The following OTULIN variants were observed in gnomAD, a reference collection of about 807,000 sequenced individuals.
The protein encoded by OTULIN is OTU deubiquitinase with linear linkage specificity.
OTULIN carries 15 observed loss-of-function variants against 39.6 expected under a neutral mutation model. That is an observed-to-expected ratio of 0.38 (90% CI 0.25 to 0.58). OTULIN has a LOEUF of 0.58. Ranked by LOEUF, OTULIN falls within the 20% of genes least tolerant of loss-of-function variation. OTULIN has a pLI of 0.66. For synonymous variants in OTULIN, 156 were observed against 170.3 expected (o/e 0.92, Z 0.65); for missense variants, 319 against 445.9 (o/e 0.72, Z 2.56).
rs574094923 is a variant in OTULIN, at chr5:14,665,994, A to G, written c.152+1017A>G. Among the ~76,000 whole-genome samples the G allele has an allele frequency of 7.2e-5, 11 of 152,368 alleles. No homozygotes were observed. The South Asian group carries it at 2.3e-3, about 32-fold the overall frequency. On this transcript the variant is annotated intron_variant, in intron 1 of 6. Transcript: ENST00000284274. ...ATGAGATTGGAGGGGAGAAATATCC[A>G]AATCATATCAGAGACTTAACCTCAG...
chr5:14,669,365 CAAAA>C (rs150754956), intron 1 of OTULIN, among the ~76,000 whole-genome samples: 23,692 of 151,674 alleles, frequency 0.16, 2,936 homozygotes, highest in African/African-American at 0.35. Context: ...AACTCCGTCT[CAAAA>C]AAAGAAAATA....
downstream of OTULIN, among the ~76,000 whole-genome samples, chr5:14,700,603 C>T (rs373101306): frequency 9.4e-5 from 14 of 149,474 alleles, no homozygotes; most frequent in African/African-American, 3.0e-4. Context: ...GCTCACCCTC[C>T]GCATCTGCAC....
rs1011928354 is a variant in OTULIN, at chr5:14,690,384, G to C, written c.864+76G>C. On this transcript the variant is annotated intron_variant, in intron 6 of 6. Coordinates refer to ENST00000284274, the MANE Select transcript of OTULIN (RefSeq NM_138348.6). This position sits in a 1 kb window ranked among gnomAD's most constrained non-coding sequence, Gnocchi z 4.5. ...GATCAAACTTGATGTCACAGTTTTT[G>C]TAGGTCAGAAATTCAGGGACAGCTT... The C allele has an allele frequency of 3.9e-6, 6 of 1,533,828 alleles. No homozygotes were observed. Among genetic ancestry groups the C allele is most frequent in the Middle Eastern group, 3.5e-4 (2 of 5,660 alleles).
chr5:14,705,491 T>G, the OTULIN span: 2 of 152,216 alleles, frequency 1.3e-5, no homozygotes, highest in African/African-American at 2.4e-5. Flanking sequence ...GTGAGTGATA[T>G]GGAAGCCTCC....
intron 4 of OTULIN, among the ~76,000 whole-genome samples, chr5:14,684,113 G>T (rs1736326440): frequency 6.6e-6 from 1 of 152,164 alleles, no homozygotes; most frequent in Non-Finnish European, 1.5e-5. Flanking sequence ...TTTTCTGGGA[G>T]CATAATTTAA....
chr5:14,674,624 G>A (rs1246176787), intron 2 of OTULIN, among the ~76,000 whole-genome samples: 1 of 152,090 alleles, frequency 6.6e-6, no homozygotes, highest in Non-Finnish European at 1.5e-5. Context: ...GCGTGGTGGT[G>A]TACGTTTGTG....
chr5:14,673,767 A>G, intron 2 of OTULIN, 49 bp downstream of exon 2: 1 of 1,505,670 alleles, frequency 6.6e-7, no homozygotes, highest in Non-Finnish European at 9.2e-7. Flanking sequence ...TTTATAGCAG[A>G]AAATGCAGTT....
intron 4 of OTULIN, among the ~76,000 whole-genome samples, chr5:14,686,663 G>A (rs145756430): frequency 2.6e-5 from 4 of 152,222 alleles, no homozygotes; most frequent in South Asian, 2.1e-4. Flanking sequence ...TGACACACCT[G>A]TGCCCAGCCT....
At chr5:14,703,669 C>T (rs1266615827), downstream of OTULIN, among the ~76,000 whole-genome samples, 1 of 152,140 alleles carries the variant, frequency 6.6e-6, no homozygotes, top group African/African-American at 2.4e-5. Context: ...CTGGGGCCAG[C>T]GCAGCTCTGT....
At chr5:14,714,999 A>G in the OTULIN span, among the ~76,000 whole-genome samples, 1 of 152,226 alleles carries the variant, frequency 6.6e-6, no homozygotes, top group Non-Finnish European at 1.5e-5. Context: ...CAACAAGTAC[A>G]GATGCCATCC....
the OTULIN span, chr5:14,711,213 C>G: frequency 6.2e-7 from 1 of 1,614,068 alleles, no homozygotes; most frequent in Non-Finnish European, 8.5e-7. Flanking sequence ...ATTCTCCTCT[C>G]TCATTTCCAC....
chr5:14,698,927 A>C lies in OTULIN; in HGVS notation c.*5879A>C, dbSNP rs576006883. On this transcript the variant is annotated 3_prime_UTR_variant, in exon 7 of 7. Transcript: ENST00000284274. ...TCAACAGCATTCCCGCTGCCCACTA[A>C]AAGGGTGGGCTTGGACAGTTCCTGA... 2.0e-5 allele frequency: 3 copies of C among 152,272 alleles called. No individual in the cohort carries two copies. Among genetic ancestry groups the C allele is most frequent in the African/African-American group, 7.2e-5 (3 of 41,540 alleles). The allele number at this position is 152,272 out of a possible 1,614,324, so 9.4% of individuals were successfully genotyped here.
chr5:14,707,571 G>C, the OTULIN span: 2 of 152,198 alleles, frequency 1.3e-5, no homozygotes, highest in Non-Finnish European at 2.9e-5. Flanking sequence ...CCGCTGCGAC[G>C]CATCCTGGCG....
At chr5:14,709,874 ATAAAT>A in the OTULIN span, 1 of 152,688 alleles carries the variant, frequency 6.5e-6, no homozygotes, top group Non-Finnish European at 1.5e-5. Context: ...ATAGCCTAAA[ATAAAT>A]TACATAACAT....
rs1277715938 is a variant in OTULIN at position 14,665,027 on chromosome 5, C to A, written c.152+50C>A. The A allele has an allele frequency of 5.2e-5, 54 of 1,031,276 alleles. 1 individual carries two copies. The South Asian group carries it at 1.8e-3, about 34-fold the overall frequency. 63.9% of individuals were successfully genotyped at this position (1,031,276 alleles called of 1,614,324 possible). On this transcript the variant is annotated intron_variant, in intron 1 of 6. Transcript: ENST00000284274. ...CGGGCCGTGGGCGGCGGGCTCGGTC[C>A]CCTCCGGAAGCCGGGCTGGGGTGGG...
downstream of OTULIN, among the ~76,000 whole-genome samples, chr5:14,704,329 CAAAAAAAAAAAAAAA>C (rs1194771023): frequency 3.1e-5 from 2 of 65,524 alleles, no homozygotes; most frequent in East Asian, 6.3e-4. Context: ...GACTCCGTCT[CAAAAAAAAAAAAAAA>C]AAAAAAAAAA....
At position 14,690,464 on chromosome 5, in the gene OTULIN, T is replaced by C. The variant is rs577458748; in HGVS notation, c.864+156T>C. 2.6e-5 allele frequency among the ~76,000 whole-genome samples: 4 copies of C among 152,336 alleles called. No individual in the cohort carries two copies. In the South Asian group the frequency reaches 8.3e-4, roughly 32 times the overall value. On this transcript the variant is annotated intron_variant, in intron 6 of 6. Transcript: ENST00000284274. This position sits in a 1 kb window ranked among gnomAD's most constrained non-coding sequence, Gnocchi z 4.5. ...GAGGCTGCAGTTGTATGTTCAGGGC[T>C]GCAGTCATCTGAAGGCTTGACTGGG...
intron 4 of OTULIN, among the ~76,000 whole-genome samples, chr5:14,686,303 A>G (rs906171654): frequency 3.3e-4 from 50 of 151,984 alleles, no homozygotes; most frequent in African/African-American, 1.2e-3. Flanking sequence ...TACTATATAA[A>G]GTTTTTAATT....
chr5:14,687,605 G>T lies in OTULIN; in HGVS notation c.553G>T (p.Val185Phe), dbSNP rs867617260. 1.2e-6 allele frequency: 2 copies of T among 1,614,088 alleles called. No homozygotes were observed. Among genetic ancestry groups the T allele is most frequent in the Middle Eastern group, 3.3e-4 (2 of 6,062 alleles). ...ATTTGATGGGAAGAATGAGGACCTG[G>T]TTGATAAAATTAAAGAGTCCCTTAC... ...LKFDGKNEDLVDKIKESLTLL... is the reference protein window; with the variant it reads ...LKFDGKNEDLFDKIKESLTLL... Residue 185 changes from valine to phenylalanine, a missense_variant, in exon 5 of 7, where the codon GTT becomes TTT. Val to Phe is a conservative substitution (Grantham distance 50). Coordinates refer to ENST00000284274, the MANE Select transcript of OTULIN (RefSeq NM_138348.6).
Sources: allele counts gnomAD v4.1 joint callset (sites outside exome capture counted in the v4.1 genomes callset), GRCh38; gene constraint gnomAD v4.1.1; non-coding constraint Gnocchi (gnomAD v3.1); transcripts MANE v1.5; gene names NCBI Gene and HGNC (gene_info 2026-07-23, HGNC 2026-07-21).